Variants in THBS4 observed in about 807,000 individuals in gnomAD.
The protein encoded by THBS4 is thrombospondin-4.
Under a neutral mutation model 115.7 loss-of-function variants are expected in THBS4, and 90 were observed. That is an observed-to-expected ratio of 0.78 (90% CI 0.66 to 0.93). The LOEUF (loss-of-function observed/expected upper bound fraction) is 0.93, where lower values mean the gene tolerates loss of function less well. THBS4 is among the 40% of genes least tolerant of loss of function. THBS4 has a pLI of 0.00. For synonymous variants in THBS4, 460 were observed against 479.3 expected (o/e 0.96, Z 0.53); for missense variants, 1,087 against 1,232.7 (o/e 0.88, Z 1.77).
intron 8 of THBS4, among the ~76,000 whole-genome samples, chr5:80,063,910 C>T (rs186753085): frequency 2.4e-4 from 36 of 152,342 alleles, no homozygotes; most frequent in African/African-American, 8.2e-4. Context: ...AAAGCCAGAA[C>T]TGTGACTAGA....
upstream of THBS4, among the ~76,000 whole-genome samples, chr5:80,035,179 A>G (rs948291160): frequency 6.6e-6 from 1 of 151,714 alleles, no homozygotes; most frequent in Non-Finnish European, 1.5e-5. This position sits in a 1 kb window ranked among gnomAD's most constrained non-coding sequence, Gnocchi z 4.6. Flanking sequence ...TGGTCCGTCC[A>G]GGCTCCTTCC....
At chr5:80,063,930 A>G (rs1833723854) in intron 8 of THBS4, among the ~76,000 whole-genome samples, 1 of 152,230 alleles carries the variant, frequency 6.6e-6, no homozygotes, top group Non-Finnish European at 1.5e-5. Context: ...AGCTGATGCC[A>G]CAGCAGATCC....
chr5:80,076,087 CT>C (rs1213790713), intron 15 of THBS4: 1 of 152,458 alleles, frequency 6.6e-6, no homozygotes, highest in Non-Finnish European at 1.5e-5. Flanking sequence ...GCAGACTCAT[CT>C]TCAGGTGGCC....
At chr5:80,077,594 G>A (rs1450088142) in intron 16 of THBS4, among the ~76,000 whole-genome samples, 4 of 152,210 alleles carry the variant, frequency 2.6e-5, no homozygotes, top group African/African-American at 9.6e-5. Context: ...AAAAATGCCA[G>A]CACGTTAGCT....
chr5:80,069,679 G>C (rs1048699363), intron 10 of THBS4, among the ~76,000 whole-genome samples: 2 of 152,224 alleles, frequency 1.3e-5, no homozygotes, highest in African/African-American at 4.8e-5. Context: ...TCATTAAAGT[G>C]AGTCAAGGAT....
intron 2 of THBS4, among the ~76,000 whole-genome samples, chr5:80,021,191 C>T (rs1832365411): frequency 6.6e-6 from 1 of 152,100 alleles, no homozygotes. Context: ...GTACCTGAGA[C>T]CATTTCAGGG....
At chr5:80,023,598 A>T (rs997794463) in intron 2 of THBS4, among the ~76,000 whole-genome samples, 4 of 152,224 alleles carry the variant, frequency 2.6e-5, no homozygotes, top group Admixed American at 6.5e-5. Context: ...GAAACATCTG[A>T]ACTCCACTGT....
chr5:80,069,573 A>G (rs1580976565), intron 10 of THBS4, among the ~76,000 whole-genome samples: 1 of 152,248 alleles, frequency 6.6e-6, no homozygotes, highest in Non-Finnish European at 1.5e-5. Context: ...GACAGATGGT[A>G]AAGGATTAAT....
At chr5:80,078,700 A>T in intron 17 of THBS4, 5 of 481,436 alleles carry the variant, frequency 1.0e-5, no homozygotes, top group Non-Finnish European at 1.8e-5. Flanking sequence ...AGTCTCAGCA[A>T]ACTTATTTCT....
chr5:80,079,089 T>C lies in THBS4; in HGVS notation c.2342T>C (p.Phe781Ser). ...VGYTAFNGVDFEGTFHVNTQT... is the reference protein window; with the variant it reads ...VGYTAFNGVDSEGTFHVNTQT... ...TACACAGCTTTTAATGGAGTTGACT[T>C]CGAAGGGACCTTCCATGTGAATACC... Residue 781 changes from phenylalanine to serine, a missense_variant, in exon 19 of 22, where the codon TTC (phenylalanine) becomes TCC (serine). Phe to Ser is a radical substitution (Grantham distance 155). Around this residue, in one of 3 missense-constraint regions of THBS4, gnomAD observed 979 missense variants for 1,103.7 expected, o/e 0.89. Coordinates refer to ENST00000350881, the MANE Select transcript of THBS4 (RefSeq NM_003248.6). The C allele has an allele frequency of 6.2e-7, 1 of 1,613,900 alleles. No homozygotes were observed.
chr5:80,052,139 T>C (rs190189556), intron 2 of THBS4, among the ~76,000 whole-genome samples: 149 of 152,334 alleles, frequency 9.8e-4, no homozygotes, highest in Admixed American at 1.4e-3. Context: ...TTCTAAATAG[T>C]AATGTAATAG....
chr5:80,041,927 C>G (rs1178806974), intron 2 of THBS4, among the ~76,000 whole-genome samples: 1 of 152,186 alleles, frequency 6.6e-6, no homozygotes, highest in Non-Finnish European at 1.5e-5. Flanking sequence ...AATCTGCAGG[C>G]ATTAGGAAAT....
intron 1 of THBS4, among the ~76,000 whole-genome samples, chr5:79,992,291 G>A (rs1036019058): frequency 4.6e-5 from 7 of 152,214 alleles, no homozygotes; most frequent in African/African-American, 1.7e-4. Flanking sequence ...AGAAGGCACA[G>A]TAGTCTTTCT....
At chr5:80,077,933 G>A in intron 16 of THBS4, 116 bp from the exon 17 acceptor site, 1 of 872,552 alleles carries the variant, frequency 1.1e-6, no homozygotes, top group Non-Finnish European at 1.6e-6. Flanking sequence ...GGGAAATCAT[G>A]GCCCTGGTTG....
At chr5:80,012,841 A>G (rs1832154576) in intron 2 of THBS4, among the ~76,000 whole-genome samples, 1 of 152,190 alleles carries the variant, frequency 6.6e-6, no homozygotes, top group African/African-American at 2.4e-5. Flanking sequence ...GTGGCATTCT[A>G]TCTTCAGATT....
At chr5:80,010,781 G>C (rs149359971) in intron 2 of THBS4, among the ~76,000 whole-genome samples, 1 of 152,250 alleles carries the variant, frequency 6.6e-6, no homozygotes, top group South Asian at 2.1e-4. Flanking sequence ...TTGAAGCTGA[G>C]CTGGTCCTTC....
At chr5:80,047,270 A>G (rs1339137308) in intron 2 of THBS4, among the ~76,000 whole-genome samples, 1 of 152,238 alleles carries the variant, frequency 6.6e-6, no homozygotes, top group Admixed American at 6.5e-5. Context: ...TCCAGGCCAC[A>G]TCTAATACTG....
At position 80,067,935 on chromosome 5, in the gene THBS4, C is replaced by T. The variant is rs529019369; in HGVS notation, c.1195-38C>T. 61 of 1,605,990 alleles carry T rather than the reference C, an allele frequency of 3.8e-5. No individual in the cohort carries two copies. The South Asian group carries it at 5.6e-4, about 15-fold the overall frequency. Reference sequence around the variant, plus strand: ...TTTGCTCAAACTGTACCTTTGCCCACAGCTTTCAGCTCATCACCTGATCTT... The same window carrying T: ...TTTGCTCAAACTGTACCTTTGCCCATAGCTTTCAGCTCATCACCTGATCTT... On this transcript the variant is annotated intron_variant, in intron 9 of 21. Coordinates refer to ENST00000350881, the MANE Select transcript of THBS4 (RefSeq NM_003248.6).
Position 80,061,709 on chromosome 5 carries a change from C to T in THBS4, c.1002C>T (p.Pro334=). 1 of 1,613,326 alleles carries T rather than the reference C, an allele frequency of 6.2e-7. No individual in the cohort carries two copies. The highest frequency in any genetic ancestry group is 8.5e-7 in the Non-Finnish European group (1 of 1,179,570). The change falls in exon 8 of 22, where the codon CCC becomes CCT. Residue 334 remains proline, a synonymous_variant. Transcript: ENST00000350881. The part of the protein sequence containing the change: ...CIDVDECKYH[P]CYPGVHCINL... ...TTTGTCTCCAGTGCAAATACCATCC[C>T]TGCTACCCGGGCGTGCACTGCATAA...
Sources: allele counts gnomAD v4.1 joint callset (sites outside exome capture counted in the v4.1 genomes callset), GRCh38; gene constraint gnomAD v4.1.1; regional missense constraint gnomAD v4.1.1; non-coding constraint Gnocchi (gnomAD v3.1); transcripts MANE v1.5; gene names NCBI Gene and HGNC (gene_info 2026-07-23, HGNC 2026-07-21).